Variants in TIMM9 observed in about 807,000 individuals in gnomAD.
TIMM9 encodes mitochondrial import inner membrane translocase subunit Tim9.
In TIMM9, 10 loss-of-function variants were observed where a neutral mutation model predicts 13.4. The ratio of observed to expected loss-of-function variants is 0.75; its 90% CI spans 0.46 to 1.26. TIMM9 has a LOEUF of 1.26. Among genes scored for constraint, TIMM9 ranks in the 50% most tolerant of loss-of-function variants. TIMM9 has a pLI of 0.00. For synonymous variants in TIMM9, 32 were observed against 32.1 expected, an observed-to-expected ratio of 1.00 and a Z score of 0.01; for missense variants, 87 against 100.8, an observed-to-expected ratio of 0.86 and a Z score of 0.58.
At chr14:58,414,982 G>C (rs1413064382) in intron 3 of TIMM9, among the ~76,000 whole-genome samples, 1 of 152,074 alleles carries the variant, frequency 6.6e-6, no homozygotes. Flanking sequence ...ACTGCCTCAT[G>C]ACAATTAGGC....
intron 2 of TIMM9, among the ~76,000 whole-genome samples, chr14:58,426,032 G>A (rs957907350): frequency 2.0e-5 from 3 of 151,372 alleles, no homozygotes; most frequent in Non-Finnish European, 4.4e-5. Context: ...CAGAAGAATC[G>A]CTTGAACCTG....
Position 58,411,828 on chromosome 14 carries a change from C to A in TIMM9, c.39+79G>T, listed in dbSNP as rs2036228915. ...CTGGGATTACAGATGTGAGCCACTG[C>A]ACCCAGCCTGACATGGTGGCATTAG... On this transcript the variant is annotated intron_variant, in intron 4 of 5. Transcript: ENST00000395159. 3.7e-6 allele frequency: 5 copies of A among 1,354,956 alleles called. No homozygotes were observed. In the South Asian group the frequency reaches 5.9e-5, roughly 16 times the overall value. 83.9% of individuals were successfully genotyped at this position (1,354,956 alleles called of 1,614,324 possible).
intron 3 of TIMM9, among the ~76,000 whole-genome samples, chr14:58,419,983 G>T (rs983340062): frequency 2.0e-5 from 3 of 152,040 alleles, no homozygotes; most frequent in Non-Finnish European, 4.4e-5. Flanking sequence ...ATAAACACAG[G>T]GTCTCACCAT....
intron 3 of TIMM9, among the ~76,000 whole-genome samples, chr14:58,419,232 T>C (rs767547426): frequency 2.6e-5 from 4 of 151,932 alleles, no homozygotes; most frequent in African/African-American, 4.8e-5. Context: ...GAAGGGAGAA[T>C]TGCTTGAGCC....
intron 2 of TIMM9, 118 bp downstream of exon 2, chr14:58,426,936 C>G (rs17841034): frequency 1.3e-5 from 2 of 152,832 alleles, no homozygotes; most frequent in Admixed American, 6.5e-5. Context: ...TCGCACCCCC[C>G]ACTGCTCCAG....
At chr14:58,415,556 T>C (rs1474938549) in intron 3 of TIMM9, among the ~76,000 whole-genome samples, 3 of 151,670 alleles carry the variant, frequency 2.0e-5, no homozygotes, top group African/African-American at 7.3e-5. Flanking sequence ...AAGTGAAAAA[T>C]ACAATAACCA....
intron 2 of TIMM9, among the ~76,000 whole-genome samples, chr14:58,426,398 G>T (rs1190869711): frequency 6.6e-6 from 1 of 151,596 alleles, no homozygotes; most frequent in Non-Finnish European, 1.5e-5. Context: ...GTAGAGGCGG[G>T]GTTTCACCTT....
In TIMM9 at chr14:58,424,988, T is replaced by C. The variant is rs78386081; in HGVS notation, c.-114-893A>G. 9.5e-3 allele frequency among the ~76,000 whole-genome samples: 1,440 copies of C among 152,202 alleles called. 21 individuals carry two copies. Among genetic ancestry groups the C allele is most frequent in the African/African-American group, 0.033 (1,369 of 41,520 alleles). On this transcript the variant is annotated intron_variant, in intron 2 of 5. Transcript: ENST00000395159. ...ACCTATGTGGTATTCTGGCCAAAGT[T>C]TGATATGGCTCTAATCATGAGGGAA... is the stretch of plus-strand genomic sequence containing the variant.
intron 3 of TIMM9, among the ~76,000 whole-genome samples, chr14:58,421,750 A>G (rs1342877373): frequency 6.6e-6 from 1 of 152,202 alleles, no homozygotes; most frequent in Non-Finnish European, 1.5e-5. Context: ...CTTCTAAAGA[A>G]GTATTAAATG....
intron 4 of TIMM9, among the ~76,000 whole-genome samples, 161 bp downstream of exon 4, chr14:58,411,746 A>G (rs534555083): frequency 6.6e-6 from 1 of 152,178 alleles, no homozygotes; most frequent in South Asian, 2.1e-4. Context: ...CATGTTGGCC[A>G]GGCTGGTCTT....
intron 2 of TIMM9, among the ~76,000 whole-genome samples, chr14:58,425,564 GA>G (rs1301483317): frequency 6.6e-6 from 1 of 151,694 alleles, no homozygotes; most frequent in East Asian, 1.9e-4. Context: ...AAAAAAGAGG[GA>G]AAGGAACTAA....
intron 2 of TIMM9, among the ~76,000 whole-genome samples, chr14:58,425,477 T>C (rs1341878779): frequency 1.3e-5 from 2 of 151,170 alleles, no homozygotes; most frequent in East Asian, 2.0e-4. Context: ...GACAGGAGGA[T>C]TGCCTGAGCT....
At chr14:58,417,092 C>T (rs1317417958) in intron 3 of TIMM9, among the ~76,000 whole-genome samples, 1 of 152,188 alleles carries the variant, frequency 6.6e-6, no homozygotes, top group Non-Finnish European at 1.5e-5. Context: ...AGATCCCCTA[C>T]ACAAGTTCTC....
chr14:58,416,596 A>G (rs1157966975), intron 3 of TIMM9, among the ~76,000 whole-genome samples: 1 of 152,246 alleles, frequency 6.6e-6, no homozygotes, highest in African/African-American at 2.4e-5. Context: ...TCAAGGAGGA[A>G]AACACAGTAA....
intron 3 of TIMM9, among the ~76,000 whole-genome samples, chr14:58,423,514 C>CAAAAA (rs398025245): frequency 1.5e-5 from 1 of 66,492 alleles, no homozygotes; most frequent in Non-Finnish European, 2.7e-5. Flanking sequence ...GACTTTGTCT[C>CAAAAA]AAAAAAAAAA....
chr14:58,409,571 TTTTA>T (rs897459931), intron 5 of TIMM9, among the ~76,000 whole-genome samples: 14 of 151,978 alleles, frequency 9.2e-5, no homozygotes, highest in East Asian at 7.7e-4. Flanking sequence ...CTTATTTTAA[TTTTA>T]TTTATTTATT....
chr14:58,417,885 G>A (rs1400273516), intron 3 of TIMM9, among the ~76,000 whole-genome samples: 2 of 152,034 alleles, frequency 1.3e-5, no homozygotes, highest in East Asian at 3.8e-4. Context: ...GAATGAAACA[G>A]GGTGTACATT....
chr14:58,415,980 C>G (rs917093000), intron 3 of TIMM9, among the ~76,000 whole-genome samples: 5 of 151,712 alleles, frequency 3.3e-5, no homozygotes, highest in Non-Finnish European at 7.4e-5. Context: ...CTTTGGGAGG[C>G]CAAAGCGGGT....
chr14:58,414,686 G>A (rs960003233), intron 3 of TIMM9, among the ~76,000 whole-genome samples: 3 of 143,274 alleles, frequency 2.1e-5, no homozygotes, highest in African/African-American at 7.9e-5. Context: ...GCAGTGAGCC[G>A]AGATTGCAGC....
Sources: allele counts gnomAD v4.1 joint callset (sites outside exome capture counted in the v4.1 genomes callset), GRCh38; gene constraint gnomAD v4.1.1; transcripts MANE v1.5; gene names NCBI Gene and HGNC (gene_info 2026-07-23, HGNC 2026-07-21).